The following QTGAL variants were observed in gnomAD, a reference collection of about 807,000 sequenced individuals.
QTGAL encodes the protein queuosine-tRNA galactosyltransferase, also known as BGnT-like protein 1.
the QTGAL span, among the ~76,000 whole-genome samples, chr17:83,028,148 T>C: frequency 0.61 from 92,375 of 151,908 alleles, 28,995 homozygotes; most frequent in African/African-American, 0.77. Context: ...TCTGGTCCCA[T>C]GGCAGCCGGG....
At chr17:83,015,710 C>A in the QTGAL span, among the ~76,000 whole-genome samples, 2 of 152,230 alleles carry the variant, frequency 1.3e-5, no homozygotes, top group Non-Finnish European at 2.9e-5. The surrounding 1 kb of genome is among the most constrained non-coding windows in gnomAD (Gnocchi z 4.4). Flanking sequence ...GCCTGAGCTG[C>A]CCCTCCTGTC....
At chr17:82,946,779 A>T in the QTGAL span, 2 of 967,840 alleles carry the variant, frequency 2.1e-6, no homozygotes, top group Admixed American at 5.3e-5. Context: ...ACATAAGCAG[A>T]GGACTAACTG....
chr17:82,942,783 A>G, the QTGAL span: 1 of 461,842 alleles, frequency 2.2e-6, no homozygotes, highest in Non-Finnish European at 3.9e-6. Context: ...GCCAGAGGGG[A>G]GGTGGGCTGC....
chr17:82,955,770 G>A, the QTGAL span, among the ~76,000 whole-genome samples: 8 of 152,176 alleles, frequency 5.3e-5, no homozygotes, highest in Admixed American at 3.3e-4. Flanking sequence ...AATGATACAC[G>A]GGATAAAGAA....
At chr17:82,961,378 A>T in the QTGAL span, 5 of 278,196 alleles carry the variant, frequency 1.8e-5, no homozygotes, top group East Asian at 9.4e-5. Context: ...GCTTCTCCAC[A>T]GGCGGGAAAG....
At chr17:83,002,268 C>CCGCT in the QTGAL span, among the ~76,000 whole-genome samples, 3 of 152,172 alleles carry the variant, frequency 2.0e-5, no homozygotes, top group African/African-American at 7.2e-5. Context: ...TCCGGGGAAC[C>CCGCT]CGCTCTCGGT....
chr17:82,942,425 G>C, the QTGAL span: 12 of 1,613,848 alleles, frequency 7.4e-6, no homozygotes, highest in Non-Finnish European at 1.0e-5. Flanking sequence ...TGACCAGCCT[G>C]AGCTTGTCTT....
the QTGAL span, among the ~76,000 whole-genome samples, chr17:82,958,553 C>G: frequency 1.3e-5 from 2 of 152,154 alleles, no homozygotes; most frequent in Admixed American, 6.5e-5. Flanking sequence ...TGACTCCCCC[C>G]CAACCCTGTG....
the QTGAL span, among the ~76,000 whole-genome samples, chr17:82,973,507 C>T: frequency 6.6e-6 from 1 of 152,150 alleles, no homozygotes; most frequent in Non-Finnish European, 1.5e-5. Flanking sequence ...AAAGCTTTTT[C>T]CAGCAGCACA....
At chr17:82,958,548 C>G in the QTGAL span, among the ~76,000 whole-genome samples, 1 of 152,092 alleles carries the variant, frequency 6.6e-6, no homozygotes, top group Non-Finnish European at 1.5e-5. Flanking sequence ...ACTTGTGACT[C>G]CCCCCCAACC....
chr17:83,037,538 C>T, the QTGAL span, among the ~76,000 whole-genome samples: 2 of 152,212 alleles, frequency 1.3e-5, no homozygotes, highest in Non-Finnish European at 2.9e-5. This position sits in a 1 kb window ranked among gnomAD's most constrained non-coding sequence, Gnocchi z 5.2. Flanking sequence ...GCCTGTTCTG[C>T]CCTGGGATGG....
the QTGAL span, among the ~76,000 whole-genome samples, chr17:82,970,491 C>A: frequency 6.6e-6 from 1 of 151,938 alleles, no homozygotes; most frequent in Non-Finnish European, 1.5e-5. Context: ...GTGGTGAGGA[C>A]GACCTGAGAA....
the QTGAL span, among the ~76,000 whole-genome samples, chr17:82,997,435 G>A: frequency 6.6e-6 from 1 of 152,166 alleles, no homozygotes; most frequent in Non-Finnish European, 1.5e-5. Flanking sequence ...CAATGTCGGT[G>A]GGAATGTAAA....
chr17:82,972,965 G>C, the QTGAL span, among the ~76,000 whole-genome samples: 4 of 152,174 alleles, frequency 2.6e-5, no homozygotes, highest in South Asian at 4.1e-4. Flanking sequence ...GGCTGTGAGC[G>C]GAAGGGGCTG....
chr17:83,033,993 T>A, the QTGAL span, among the ~76,000 whole-genome samples: 1 of 151,960 alleles, frequency 6.6e-6, no homozygotes, highest in Non-Finnish European at 1.5e-5. Context: ...CAGGCTGGAG[T>A]GCAATGGCGC....
At chr17:83,004,970 G>A in the QTGAL span, 2 of 620,176 alleles carry the variant, frequency 3.2e-6, no homozygotes, top group Non-Finnish European at 2.7e-6. Context: ...TCCACTCTGT[G>A]CGATTGATGG....
chr17:82,970,616 CCACCCGGCGTGGCCGCGACCTCCG>C, the QTGAL span, among the ~76,000 whole-genome samples: 2 of 31,210 alleles, frequency 6.4e-5, no homozygotes, highest in African/African-American at 1.4e-4. Flanking sequence ...CGCGACCTCC[CCACCCGGCGTGGCCGCGACCTCCG>C]CACCCGGTGT....
the QTGAL span, among the ~76,000 whole-genome samples, chr17:83,049,604 G>C: frequency 1.3e-5 from 2 of 151,914 alleles, no homozygotes; most frequent in Non-Finnish European, 2.9e-5. Context: ...GGCAAACCAT[G>C]TTAGAAAACC....
the QTGAL span, among the ~76,000 whole-genome samples, chr17:82,963,127 T>C: frequency 2.0e-5 from 3 of 152,106 alleles, no homozygotes; most frequent in Non-Finnish European, 4.4e-5. Flanking sequence ...CCCAATCTGC[T>C]CACAGAACCA....
Sources: gnomAD v4.1 joint callset for allele counts (sites outside exome capture counted in the v4.1 genomes callset) on GRCh38, gnomAD v4.1.1 for gene constraint, Gnocchi (gnomAD v3.1) non-coding constraint, MANE v1.5 for transcripts, NCBI Gene and HGNC (gene_info 2026-07-23, HGNC 2026-07-21) for gene names.